SMOC1: variants seen among roughly 807,000 people sequenced by gnomAD.
SMOC1 encodes the protein SPARC related modular calcium binding 1, also known as SPARC-related modular calcium-binding protein 1.
Under a neutral mutation model 56.3 loss-of-function variants are expected in SMOC1, and 22 were observed. The ratio of observed to expected loss-of-function variants is 0.39; its 90% CI spans 0.28 to 0.56. The LOEUF (loss-of-function observed/expected upper bound fraction) is 0.56. SMOC1 is among the 20% of genes least tolerant of loss of function. The pLI is 0.61. For synonymous variants in SMOC1, 193 were observed against 215.0 expected (o/e 0.90, Z 0.89); for missense variants, 509 against 565.4 (o/e 0.90, Z 1.01).
chr14:70,016,670 C>T (rs1885524206), intron 10 of SMOC1, among the ~76,000 whole-genome samples: 1 of 152,216 alleles, frequency 6.6e-6, no homozygotes, highest in African/African-American at 2.4e-5. Context: ...GCCGGCCCCA[C>T]CTCTCCTCAC....
At chr14:70,012,185 T>A (rs767130242) in intron 9 of SMOC1, among the ~76,000 whole-genome samples, 10 of 152,238 alleles carry the variant, frequency 6.6e-5, no homozygotes, top group African/African-American at 1.4e-4. Context: ...CACCTTCCCA[T>A]GACCTATCAG....
chr14:69,952,338 G>T, intron 2 of SMOC1, 35 bp downstream of exon 2: 1 of 1,612,160 alleles, frequency 6.2e-7, no homozygotes, highest in South Asian at 1.1e-5. Flanking sequence ...CCAAGGAGAG[G>T]TTCCTGGGCA....
rs79314608 is a variant in SMOC1 at position 69,900,413 on chromosome 14, A to T, written c.99+20636A>T. Among the ~76,000 whole-genome samples, 812 of 152,360 alleles carry T rather than the reference A, an allele frequency of 5.3e-3. 2 individuals are homozygous for T. The highest frequency in any genetic ancestry group is 0.016 in the African/African-American group (682 of 41,582). ...GCCAGCTAGTGTTCTAGGCACTGGG[A>T]AACAAAATACAACAGGGAACGAGAT... On this transcript the variant is annotated intron_variant, in intron 1 of 11. Transcript: ENST00000361956.
chr14:69,937,887 TA>T (rs1425974292), intron 1 of SMOC1, among the ~76,000 whole-genome samples: 1 of 152,162 alleles, frequency 6.6e-6, no homozygotes, highest in Non-Finnish European at 1.5e-5. Context: ...GCACACGAGT[TA>T]AACACACACA....
chr14:69,995,966 T>C lies in SMOC1; in HGVS notation c.664+1486T>C, dbSNP rs563896802. On this transcript the variant is annotated intron_variant, in intron 7 of 11. Coordinates refer to ENST00000361956, the MANE Select transcript of SMOC1 (RefSeq NM_001034852.3). Reference sequence around the variant, plus strand: ...TGGTTTTGGTGCCTGTAGTACCTGGTGCCGGAAGTAACATTTGCAACTGGT... The same window carrying C: ...TGGTTTTGGTGCCTGTAGTACCTGGCGCCGGAAGTAACATTTGCAACTGGT... Among the ~76,000 whole-genome samples the C allele has an allele frequency of 6.6e-5, 10 of 152,242 alleles. No individual in the cohort carries two copies. The East Asian group carries it at 1.9e-3, about 29-fold the overall frequency.
intron 7 of SMOC1, among the ~76,000 whole-genome samples, chr14:70,000,436 G>T (rs1300821078): frequency 6.6e-6 from 1 of 152,126 alleles, no homozygotes; most frequent in Non-Finnish European, 1.5e-5. Context: ...AAAAAAGGCA[G>T]CTTGCTATTT....
At chr14:69,950,935 T>C (rs1882973299) in intron 1 of SMOC1, among the ~76,000 whole-genome samples, 1 of 152,228 alleles carries the variant, frequency 6.6e-6, no homozygotes, top group African/African-American at 2.4e-5. Context: ...GTGGGTTAAC[T>C]GGGCTCAGCT....
intron 1 of SMOC1, among the ~76,000 whole-genome samples, chr14:69,923,946 G>T (rs749744223): frequency 1.3e-4 from 20 of 151,604 alleles, no homozygotes; most frequent in Non-Finnish European, 2.8e-4. Flanking sequence ...CCCTGGTCGG[G>T]CTGCCTTCAC....
chr14:69,951,931 T>C (rs534757919), intron 1 of SMOC1, among the ~76,000 whole-genome samples: 181 of 152,332 alleles, frequency 1.2e-3, no homozygotes, highest in African/African-American at 4.2e-3. Context: ...GGTCAGTAAT[T>C]GTTAGACATT....
intron 1 of SMOC1, among the ~76,000 whole-genome samples, chr14:69,902,665 G>C (rs577570569): frequency 2.8e-4 from 43 of 152,262 alleles, no homozygotes; most frequent in Admixed American, 1.8e-3. Context: ...CTCTGATGCC[G>C]AGCCGAAGCT....
chr14:69,892,683 CA>C (rs1883994614), intron 1 of SMOC1, among the ~76,000 whole-genome samples: 1 of 152,160 alleles, frequency 6.6e-6, no homozygotes, highest in Non-Finnish European at 1.5e-5. Context: ...TATTTTGAAG[CA>C]AACATCTCCC....
chr14:70,002,735 G>A (rs901820043), intron 7 of SMOC1, among the ~76,000 whole-genome samples: 1 of 152,178 alleles, frequency 6.6e-6, no homozygotes, highest in Non-Finnish European at 1.5e-5. Flanking sequence ...CTGTGAAAAA[G>A]TGCAAAGTCC....
chr14:69,883,908 T>TC (rs1883718836), intron 1 of SMOC1, among the ~76,000 whole-genome samples: 1 of 128,764 alleles, frequency 7.8e-6, no homozygotes. Context: ...TTTTTTTTTT[T>TC]TTTTTTTTTG....
At chr14:70,029,909 G>T (rs987341599) in intron 11 of SMOC1, among the ~76,000 whole-genome samples, 2 of 152,182 alleles carry the variant, frequency 1.3e-5, no homozygotes, top group Non-Finnish European at 2.9e-5. Context: ...TGAAAAGCTG[G>T]CATGTGAGAG....
Position 70,011,509 on chromosome 14 carries a change from C to A in SMOC1, c.882C>A (p.Ser294Arg), listed in dbSNP as rs761484363. Reference protein sequence around the residue: ...STRYVMPSCESDARAKTTEAD... With the variant: ...STRYVMPSCERDARAKTTEAD... ...GCTACGTGATGCCCAGTTGTGAGAG[C>A]GACGCCAGGGCCAAGACTACAGAGG... The change falls in exon 9 of 12, where the codon AGC (serine) becomes AGA (arginine). Residue 294 changes from serine (S) to arginine (R), a missense_variant. Physicochemically the swap from Ser to Arg is moderately radical, Grantham distance 110. Around this residue, in one of 3 missense-constraint regions of SMOC1, gnomAD observed 176 missense variants for 188.1 expected, o/e 0.94. Coordinates refer to ENST00000361956, the MANE Select transcript of SMOC1 (RefSeq NM_001034852.3). 6.4e-7 allele frequency: 1 copy of A among 1,561,508 alleles called. No homozygotes were observed. Among genetic ancestry groups the A allele is most frequent in the Non-Finnish European group, 8.7e-7 (1 of 1,148,508 alleles).
chr14:69,955,911 G>A (rs1457341131), intron 3 of SMOC1, among the ~76,000 whole-genome samples: 2 of 152,188 alleles, frequency 1.3e-5, no homozygotes, highest in Non-Finnish European at 2.9e-5. Context: ...GGAGGAGAGT[G>A]GAGTTTGTGG....
intron 5 of SMOC1, among the ~76,000 whole-genome samples, chr14:69,981,657 A>G (rs1884182176): frequency 6.6e-6 from 1 of 152,202 alleles, no homozygotes; most frequent in South Asian, 2.1e-4. Flanking sequence ...CACTGCTAAA[A>G]CAGTTGAAGG....
At chr14:70,029,515 C>T (rs1566717395) in intron 11 of SMOC1, among the ~76,000 whole-genome samples, 1 of 152,200 alleles carries the variant, frequency 6.6e-6, no homozygotes, top group Non-Finnish European at 1.5e-5. Flanking sequence ...GCCATAGACA[C>T]TCACAGAGCA....
chr14:70,028,464 A>G (rs1051814069), intron 11 of SMOC1, among the ~76,000 whole-genome samples: 2 of 152,194 alleles, frequency 1.3e-5, no homozygotes, highest in Non-Finnish European at 2.9e-5. Context: ...TCCAAGCTTC[A>G]GTTTCATCAT....
Sources: allele counts gnomAD v4.1 joint callset (sites outside exome capture counted in the v4.1 genomes callset), GRCh38; gene constraint gnomAD v4.1.1; regional missense constraint gnomAD v4.1.1; transcripts MANE v1.5; gene names NCBI Gene and HGNC (gene_info 2026-07-23, HGNC 2026-07-21).